PCDHGA12: variants seen among roughly 807,000 people sequenced by gnomAD.
The protein encoded by PCDHGA12 is protocadherin gamma-A12.
Under a neutral mutation model 61.1 loss-of-function variants are expected in PCDHGA12, and 43 were observed. That is an observed-to-expected ratio of 0.70 (90% CI 0.55 to 0.91). The LOEUF is 0.91. Among genes scored for constraint, PCDHGA12 ranks in the 40% least tolerant of loss-of-function variants. The pLI, the probability that PCDHGA12 is intolerant of heterozygous loss-of-function variation, is 0.00. For missense variants in PCDHGA12, 1,236 were observed against 1,227.7 expected, an observed-to-expected ratio of 1.01 and a Z score of -0.10; for synonymous variants, 520 against 542.9, an observed-to-expected ratio of 0.96 and a Z score of 0.59.
At position 141,486,960 on chromosome 5, in the gene PCDHGA12, T is replaced by C; in HGVS notation, c.2425-7847T>C. On this transcript the variant is annotated intron_variant, in intron 1 of 3. Transcript: ENST00000252085. The surrounding 1 kb of genome is among the most constrained non-coding windows in gnomAD (Gnocchi z 5.0). Reference sequence around the variant, plus strand: ...CACCTAATCACAAAGGTGACTGCTGTGGACTTGGATTCAGGTTACAATGCT... The same window carrying C: ...CACCTAATCACAAAGGTGACTGCTGCGGACTTGGATTCAGGTTACAATGCT... The C allele has an allele frequency of 6.2e-7, 1 of 1,614,228 alleles. No individual in the cohort carries two copies. Among genetic ancestry groups the C allele is most frequent in the Non-Finnish European group, 8.5e-7 (1 of 1,180,034 alleles).
intron 1 of PCDHGA12, among the ~76,000 whole-genome samples, chr5:141,463,418 C>T (rs1442067485): frequency 3.6e-5 from 5 of 138,240 alleles, no homozygotes; most frequent in Admixed American, 2.9e-4. Flanking sequence ...TCCTAGTTTG[C>T]GGATCCTCAT....
Position 141,511,350 on chromosome 5 carries a change from C to G in PCDHGA12, c.*177C>G, listed in dbSNP as rs1303365585. 4.3e-6 allele frequency: 6 copies of G among 1,397,194 alleles called. No homozygotes were observed. Among genetic ancestry groups the G allele is most frequent in the East Asian group, 2.5e-5 (1 of 39,862 alleles). The allele number at this position is 1,397,194 out of a possible 1,614,324, so 86.5% of individuals were successfully genotyped here. On this transcript the variant is annotated 3_prime_UTR_variant, in exon 4 of 4. Transcript: ENST00000252085. ...CCCAGTCAGCACCTACCCCTTCCCC[C>G]CCAGGGGGTTGAATATGCAAAAGCA...
rs1596285501 is a variant in PCDHGA12, at chr5:141,510,367, C to A, written c.2573-580C>A. Among the ~76,000 whole-genome samples the A allele has an allele frequency of 5.0e-5, 7 of 140,362 alleles. 1 individual carries two copies. In the South Asian group the frequency reaches 1.6e-3, roughly 31 times the overall value. The allele number at this position is 140,362 out of a possible 152,430, so 92.1% of individuals were successfully genotyped here. A position where few individuals can be genotyped will look rare whatever the true frequency, so the allele number is the denominator to read the frequency against. On this transcript the variant is annotated intron_variant, in intron 3 of 3. Transcript: ENST00000252085. ...ACACTTACTAACGGAACTACCGAAT[C>A]TCTACTCGTGCCAGGCCTTGCTTGG...
intron 1 of PCDHGA12, among the ~76,000 whole-genome samples, chr5:141,474,266 G>A (rs1420620306): frequency 6.6e-6 from 1 of 152,186 alleles, no homozygotes; most frequent in Non-Finnish European, 1.5e-5. Context: ...ATAAACCAGT[G>A]TATCTCTGAA....
Position 141,489,826 on chromosome 5 carries a change from C to G in PCDHGA12, c.2425-4981C>G. On this transcript the variant is annotated intron_variant, in intron 1 of 3. Transcript: ENST00000252085. This position sits in a 1 kb window ranked among gnomAD's most constrained non-coding sequence, Gnocchi z 4.5. The stretch of plus-strand genomic sequence containing the variant: ...TGGGAAGCCATTCCCAGAGCTGGTG[C>G]TAGAGCAGCAGCTGGATCGTGAAGC... 1 of 1,614,186 alleles carries G rather than the reference C, an allele frequency of 6.2e-7. No homozygotes were observed. The highest frequency in any genetic ancestry group is 8.5e-7 in the Non-Finnish European group (1 of 1,179,988).
At position 141,476,242 on chromosome 5, in the gene PCDHGA12, G is replaced by A. The variant is rs369923405; in HGVS notation, c.2425-18565G>A. The A allele has an allele frequency of 6.2e-6, 10 of 1,614,100 alleles. No individual in the cohort carries two copies. The highest frequency in any genetic ancestry group is 8.5e-6 in the Non-Finnish European group (10 of 1,180,026). The stretch of plus-strand genomic sequence containing the variant: ...ACTATGAGATCCCGGAGGAAAGAGA[G>A]AAGGGTTTCGCTGTGGGCAACGTGG... On this transcript the variant is annotated intron_variant, in intron 1 of 3. Transcript: ENST00000252085. This position sits in a 1 kb window ranked among gnomAD's most constrained non-coding sequence, Gnocchi z 7.6.
In PCDHGA12 at chr5:141,472,878, C is replaced by T. The variant is rs774209715; in HGVS notation, c.2425-21929C>T. ...GCACATGCCTGTATTCCCAGCTACT[C>T]GGGAGGCTGAGGCAGGAGAATTGCT... On this transcript the variant is annotated intron_variant, in intron 1 of 3. Transcript: ENST00000252085. 6.8e-5 allele frequency among the ~76,000 whole-genome samples: 10 copies of T among 146,132 alleles called. 1 individual carries two copies. The highest frequency in any genetic ancestry group is 4.2e-4 in the East Asian group (2 of 4,758).
chr5:141,431,435 GC>G lies in PCDHGA12; in HGVS notation c.677del (p.Ala226GlyfsTer5). On this transcript the variant is annotated frameshift_variant, in exon 1 of 4. Coordinates refer to ENST00000252085, the MANE Select transcript of PCDHGA12 (RefSeq NM_003735.3). LOFTEE classifies it high-confidence loss of function. The surrounding 1 kb of genome is among the most constrained non-coding windows in gnomAD (Gnocchi z 4.8). The stretch of plus-strand genomic sequence containing the variant: ...GGGCGACCCGGTGCGCACAGGCACC[GC>G]GCGCATCCGCGTGATGGTTCTGGAT... ...DGGDPVRTGT[A>X]RIRVMVLDAN... 1.9e-6 allele frequency: 3 copies of G among 1,613,668 alleles called. No individual in the cohort carries two copies. The highest frequency in any genetic ancestry group is 2.5e-6 in the Non-Finnish European group (3 of 1,180,026).
At position 141,485,430 on chromosome 5, in the gene PCDHGA12, T is replaced by C; in HGVS notation, c.2425-9377T>C. The C allele has an allele frequency of 6.2e-7, 1 of 1,614,138 alleles. No individual in the cohort carries two copies. Among genetic ancestry groups the C allele is most frequent in the Non-Finnish European group, 8.5e-7 (1 of 1,180,022 alleles). On this transcript the variant is annotated intron_variant, in intron 1 of 3. Transcript: ENST00000252085. The surrounding 1 kb of genome is among the most constrained non-coding windows in gnomAD (Gnocchi z 5.7). ...GATTTGGACAGCGGAGCCCTGCTCA[T>C]CAAGAACCCAATCGACCGAGAGGCA... is the stretch of plus-strand genomic sequence containing the variant.
intron 1 of PCDHGA12, among the ~76,000 whole-genome samples, chr5:141,481,913 CAAAAAAA>C (rs34114744): frequency 2.2e-5 from 2 of 90,812 alleles, no homozygotes; most frequent in Admixed American, 1.2e-4. Context: ...AACTCCATCT[CAAAAAAA>C]AAAAAAAAAA....
At chr5:141,507,009 C>T (rs988626142) in intron 3 of PCDHGA12, 1 of 152,154 alleles carries the variant, frequency 6.6e-6, no homozygotes, top group South Asian at 2.1e-4. Context: ...ATGAGAGAAC[C>T]GAGAAGGCAC....
intron 1 of PCDHGA12, among the ~76,000 whole-genome samples, chr5:141,437,052 T>A (rs986734485): frequency 6.6e-5 from 10 of 152,258 alleles, no homozygotes; most frequent in Non-Finnish European, 1.3e-4. Flanking sequence ...AGAAGGCTGG[T>A]GATCATTATT....
At chr5:141,441,404 C>T (rs1231257776) in intron 1 of PCDHGA12, 1 of 155,262 alleles carries the variant, frequency 6.4e-6, no homozygotes, top group Admixed American at 6.5e-5. Context: ...ATCAGCATCA[C>T]TGCCACTGAC....
Position 141,487,315 on chromosome 5 carries a change from G to C in PCDHGA12, c.2425-7492G>C, listed in dbSNP as rs568326280. On this transcript the variant is annotated intron_variant, in intron 1 of 3. Transcript: ENST00000252085. The surrounding 1 kb of genome is among the most constrained non-coding windows in gnomAD (Gnocchi z 5.0). ...GCTCATTCGTGGCACTACTCTCTAA[G>C]TGTCTTCGTGGGGCAGCCTGTGGAG... 6.2e-7 allele frequency: 1 copy of C among 1,614,166 alleles called. No individual in the cohort carries two copies. Among genetic ancestry groups the C allele is most frequent in the Admixed American group, 1.7e-5 (1 of 60,028 alleles).
At chr5:141,478,498 G>A in intron 1 of PCDHGA12, 8 of 1,612,712 alleles carry the variant, frequency 5.0e-6, no homozygotes, top group South Asian at 1.1e-5. Context: ...GCTGTGATCC[G>A]GTGTTCTATA....
chr5:141,458,421 G>T (rs1294502132), intron 1 of PCDHGA12, among the ~76,000 whole-genome samples: 1 of 152,114 alleles, frequency 6.6e-6, no homozygotes, highest in African/African-American at 2.4e-5. Context: ...GGGTTCCAAA[G>T]CTGAAAGAGG....
chr5:141,509,046 C>T (rs1442220429), intron 3 of PCDHGA12, among the ~76,000 whole-genome samples: 1 of 152,160 alleles, frequency 6.6e-6, no homozygotes, highest in Non-Finnish European at 1.5e-5. Flanking sequence ...CTCTCCCCCG[C>T]CCCCAGAAAG....
chr5:141,503,304 A>G (rs946582779), intron 2 of PCDHGA12, among the ~76,000 whole-genome samples: 1 of 152,150 alleles, frequency 6.6e-6, no homozygotes, highest in African/African-American at 2.4e-5. Flanking sequence ...ATTGCTCAAG[A>G]AAGAATTGTT....
At position 141,476,980 on chromosome 5, in the gene PCDHGA12, C is replaced by T; in HGVS notation, c.2425-17827C>T. 6.2e-7 allele frequency: 1 copy of T among 1,614,232 alleles called. No individual in the cohort carries two copies. Among genetic ancestry groups the T allele is most frequent in the Non-Finnish European group, 8.5e-7 (1 of 1,180,044 alleles). On this transcript the variant is annotated intron_variant, in intron 1 of 3. Coordinates refer to ENST00000252085, the MANE Select transcript of PCDHGA12 (RefSeq NM_003735.3). This position sits in a 1 kb window ranked among gnomAD's most constrained non-coding sequence, Gnocchi z 7.6. Reference sequence around the variant, plus strand: ...TTTACTCCTTCGGCAGCCACAACCGCGCCGGCGTGCGGCAACTATTCGCCT... The same window carrying T: ...TTTACTCCTTCGGCAGCCACAACCGTGCCGGCGTGCGGCAACTATTCGCCT...
Sources: allele counts gnomAD v4.1 joint callset (sites outside exome capture counted in the v4.1 genomes callset), GRCh38; gene constraint gnomAD v4.1.1; non-coding constraint Gnocchi (gnomAD v3.1); transcripts MANE v1.5; gene names NCBI Gene and HGNC (gene_info 2026-07-23, HGNC 2026-07-21).